MRC2: variants seen among roughly 807,000 people sequenced by gnomAD.
MRC2 encodes the protein C-type mannose receptor 2.
Under a neutral mutation model 206.2 loss-of-function variants are expected in MRC2, and 84 were observed. That is an observed-to-expected ratio of 0.41 (90% confidence interval 0.34 to 0.49). The LOEUF is 0.49. MRC2 is among the 20% of genes least tolerant of loss of function. The probability of loss-of-function intolerance (pLI) is 0.31; values close to 1 mark genes in which losing one functional copy is unlikely to be tolerated. For missense variants in MRC2, 1,676 were observed against 2,001.5 expected (o/e 0.84, Z 3.10); for synonymous variants, 798 against 800.0 (o/e 1.00, Z 0.04).
chr17:62,677,506 G>C lies in MRC2; in HGVS notation c.2052+20G>C. On this transcript the variant is annotated intron_variant, in intron 12 of 29. Transcript: ENST00000303375. ...TATAAGGTAGGGCAGCCTGTTGGCC[G>C]GGTAGGGGGCAGGGGGAGGACAGGA... The C allele has an allele frequency of 6.3e-7, 1 of 1,575,850 alleles. No homozygotes were observed. Among genetic ancestry groups the C allele is most frequent in the Non-Finnish European group, 8.7e-7 (1 of 1,154,930 alleles).
chr17:62,652,979 C>T lies in MRC2; in HGVS notation c.119-11569C>T, dbSNP rs547532400. 2.6e-5 allele frequency among the ~76,000 whole-genome samples: 4 copies of T among 152,116 alleles called. No individual in the cohort carries two copies. The East Asian group carries it at 5.8e-4, about 22-fold the overall frequency. On this transcript the variant is annotated intron_variant, in intron 1 of 29. Coordinates refer to ENST00000303375, the MANE Select transcript of MRC2 (RefSeq NM_006039.5). The surrounding 1 kb of genome is among the most constrained non-coding windows in gnomAD (Gnocchi z 4.6). The stretch of plus-strand genomic sequence containing the variant: ...CTCCAAGAGCAGGTGGATCTGGGAG[C>T]CCCAGATCCTGGGCACTGGGTTGGG...
At chr17:62,674,313 C>T (rs1310876379) in intron 9 of MRC2, 143 bp downstream of exon 9, 7 of 623,158 alleles carry the variant, frequency 1.1e-5, no homozygotes, top group South Asian at 8.0e-5. Flanking sequence ...CCAAACTGCT[C>T]CTTTATTGAA....
chr17:62,629,866 C>T (rs1014998256), intron 1 of MRC2, among the ~76,000 whole-genome samples: 3 of 152,210 alleles, frequency 2.0e-5, no homozygotes, highest in Non-Finnish European at 4.4e-5. Flanking sequence ...GAGGCTTATG[C>T]CAGGCAGGGC....
In MRC2 at chr17:62,693,108, G is replaced by C. The variant is rs2089131824; in HGVS notation, c.*657G>C. The C allele has an allele frequency of 1.3e-5, 2 of 152,890 alleles. No individual in the cohort carries two copies. The highest frequency in any genetic ancestry group is 4.8e-5 in the African/African-American group (2 of 41,438). The allele number at this position is 152,890 out of a possible 1,614,324, so 9.5% of individuals were successfully genotyped here. A position where few individuals can be genotyped will look rare whatever the true frequency, so the allele number is the denominator to read the frequency against. ...AGGGCACGGGTGTGGTGTCTGCTGG[G>C]CTGGAGATAAGACTGGGGAGAGACA... On this transcript the variant is annotated 3_prime_UTR_variant, in exon 30 of 30. Coordinates refer to ENST00000303375, the MANE Select transcript of MRC2 (RefSeq NM_006039.5).
At position 62,688,328 on chromosome 17, in the gene MRC2, A is replaced by AAGTGGTCAGAGG; in HGVS notation, c.2987_2998dup (p.Glu999_Ala1000insGluTrpSerGlu). 6.2e-7 allele frequency: 1 copy of AAGTGGTCAGAGG among 1,614,138 alleles called. No homozygotes were observed. Among genetic ancestry groups the AAGTGGTCAGAGG allele is most frequent in the Non-Finnish European group, 8.5e-7 (1 of 1,180,026 alleles). On this transcript the variant is annotated inframe_insertion, in exon 21 of 30. Transcript: ENST00000303375. ...GGGCCAGGAACCCCAGAGCCGGGTG[A>AAGTGGTCAGAGG]AGTGGTCAGAGGCACAGTTCTCCTG... is the stretch of plus-strand genomic sequence containing the variant.
chr17:62,641,893 C>CTG (rs779371631), intron 1 of MRC2, among the ~76,000 whole-genome samples: 5 of 93,214 alleles, frequency 5.4e-5, no homozygotes, highest in South Asian at 3.8e-4. Context: ...TTATCTCACT[C>CTG]TCTGTGTGTG....
At chr17:62,645,932 A>G (rs1174284738) in intron 1 of MRC2, among the ~76,000 whole-genome samples, 3 of 151,896 alleles carry the variant, frequency 2.0e-5, no homozygotes, top group Non-Finnish European at 2.9e-5. Flanking sequence ...TTTCTGCCCA[A>G]CACTTCTACT....
At chr17:62,645,356 G>C (rs1049323230) in intron 1 of MRC2, among the ~76,000 whole-genome samples, 1 of 151,140 alleles carries the variant, frequency 6.6e-6, no homozygotes, top group African/African-American at 2.4e-5. Context: ...ATGTGATCCA[G>C]GTCTGGTTCC....
intron 1 of MRC2, among the ~76,000 whole-genome samples, chr17:62,636,811 G>T (rs903159267): frequency 6.6e-6 from 1 of 151,932 alleles, no homozygotes; most frequent in African/African-American, 2.4e-5. Flanking sequence ...TCACTATGTT[G>T]CCCAGGCCTG....
chr17:62,677,929 T>G (rs1006413370), intron 12 of MRC2, among the ~76,000 whole-genome samples: 1 of 152,066 alleles, frequency 6.6e-6, no homozygotes, highest in African/African-American at 2.4e-5. Context: ...AGGCGCCTGT[T>G]GTCCCAGCTA....
At chr17:62,632,186 T>G (rs970203515) in intron 1 of MRC2, among the ~76,000 whole-genome samples, 17 of 152,134 alleles carry the variant, frequency 1.1e-4, no homozygotes, top group Non-Finnish European at 2.5e-4. Flanking sequence ...GGCTGTCCAG[T>G]GGCACCTGTG....
chr17:62,673,102 G>C (rs963391719), intron 8 of MRC2, among the ~76,000 whole-genome samples: 4 of 152,194 alleles, frequency 2.6e-5, no homozygotes, highest in Non-Finnish European at 5.9e-5. Context: ...GCTGTGGACT[G>C]TAGTGGCAGT....
chr17:62,689,739 G>T lies in MRC2; in HGVS notation c.3552G>T (p.Trp1184Cys). The change falls in exon 24 of 30, where the codon TGG (tryptophan) becomes TGT (cysteine). Residue 1184 changes from tryptophan (W) to cysteine (C), a missense_variant. Physicochemically the swap from Trp to Cys is radical, Grantham distance 215. This residue lies in a region of MRC2 where 1,354 missense variants were observed against 1,636.6 expected (regional missense o/e 0.83). Coordinates refer to ENST00000303375, the MANE Select transcript of MRC2 (RefSeq NM_006039.5). Reference protein sequence around the residue: ...QAARGLRTPLWIGLAGEEGSR... With the variant: ...QAARGLRTPLCIGLAGEEGSR... ...CCCGAGGGCTGCGCACGCCGCTCTG[G>T]ATTGGGCTGGCTGGCGAGGAGGTGG... The T allele has an allele frequency of 1.3e-6, 2 of 1,555,776 alleles. No individual in the cohort carries two copies. Among genetic ancestry groups the T allele is most frequent in the Non-Finnish European group, 1.7e-6 (2 of 1,151,000 alleles).
intron 22 of MRC2, 44 bp downstream of exon 22, chr17:62,688,708 A>C (rs1391701342): frequency 7.5e-6 from 12 of 1,603,612 alleles, no homozygotes; most frequent in Non-Finnish European, 9.4e-6. Flanking sequence ...CGCTGCCCTA[A>C]GCCTGTGGGG....
chr17:62,667,617 T>C lies in MRC2; in HGVS notation c.1117+84T>C. ...ACAGAGCCGTGGCAGGCCCAGCCTC[T>C]CCTCCGGTTACCACCACAGCACAAG... On this transcript the variant is annotated intron_variant, in intron 6 of 29. Transcript: ENST00000303375. The surrounding 1 kb of genome is among the most constrained non-coding windows in gnomAD (Gnocchi z 4.1). 1 of 1,459,012 alleles carries C rather than the reference T, an allele frequency of 6.9e-7. No individual in the cohort carries two copies. The highest frequency in any genetic ancestry group is 9.1e-7 in the Non-Finnish European group (1 of 1,098,972). 90.4% of individuals were successfully genotyped at this position (1,459,012 alleles called of 1,614,324 possible).
chr17:62,627,961 G>A (rs756902989), intron 1 of MRC2, 41 bp downstream of exon 1: 5 of 1,331,442 alleles, frequency 3.8e-6, no homozygotes, highest in South Asian at 3.3e-5. Flanking sequence ...GGCCCGGGCG[G>A]GGGGAGCGCC....
chr17:62,646,905 C>T (rs2088493417), intron 1 of MRC2, among the ~76,000 whole-genome samples: 1 of 152,182 alleles, frequency 6.6e-6, no homozygotes, highest in Non-Finnish European at 1.5e-5. Flanking sequence ...ATAAGTCAGT[C>T]ATAACCACTG....
chr17:62,659,265 C>T lies in MRC2; in HGVS notation c.119-5283C>T, dbSNP rs111565204. Among the ~76,000 whole-genome samples the T allele has an allele frequency of 5.9e-3, 894 of 152,232 alleles. 11 individuals are homozygous for T. Among genetic ancestry groups the T allele is most frequent in the African/African-American group, 0.02 (842 of 41,540 alleles). ...GTTTAAGATTTCAACACAGGCCGGGCGTGGTGGCTCACTCTTGTAATCCTA... is the reference window on the plus strand; with the variant it reads ...GTTTAAGATTTCAACACAGGCCGGGTGTGGTGGCTCACTCTTGTAATCCTA... On this transcript the variant is annotated intron_variant, in intron 1 of 29. Transcript: ENST00000303375.
intron 1 of MRC2, among the ~76,000 whole-genome samples, chr17:62,651,333 C>T (rs926789575): frequency 6.6e-6 from 1 of 152,110 alleles, no homozygotes; most frequent in African/African-American, 2.4e-5. Context: ...CCACCCACCT[C>T]GGCCTCCCAG....
Sources: gnomAD v4.1 joint callset for allele counts (sites outside exome capture counted in the v4.1 genomes callset) on GRCh38, gnomAD v4.1.1 for gene constraint, gnomAD v4.1.1 regional missense constraint, Gnocchi (gnomAD v3.1) non-coding constraint, MANE v1.5 for transcripts, NCBI Gene and HGNC (gene_info 2026-07-23, HGNC 2026-07-21) for gene names.